Variants in NTN4 observed in about 807,000 individuals in gnomAD.
NTN4 encodes netrin-4.
Under a neutral mutation model 73.6 loss-of-function variants are expected in NTN4, and 32 were observed. The observed-to-expected ratio is 0.44, with a 90% CI of 0.33 to 0.58. The LOEUF (loss-of-function observed/expected upper bound fraction) is 0.58. Among genes scored for constraint, NTN4 ranks in the 20% least tolerant of loss-of-function variants. The pLI, the probability that NTN4 is intolerant of heterozygous loss-of-function variation, is 0.04. For missense variants in NTN4, 654 were observed against 798.3 expected, an observed-to-expected ratio of 0.82 and a Z score of 2.18; for synonymous variants, 258 against 287.5, an observed-to-expected ratio of 0.90 and a Z score of 1.04.
chr12:95,745,844 CA>C (rs140471601), intron 2 of NTN4, among the ~76,000 whole-genome samples: 4,214 of 152,184 alleles, frequency 0.028, 195 homozygotes, highest in African/African-American at 0.096. Flanking sequence ...TATGTGGGAC[CA>C]ATGCATTTTC....
chr12:95,767,382 A>C (rs2079027553), intron 2 of NTN4, among the ~76,000 whole-genome samples: 1 of 41,178 alleles, frequency 2.4e-5, no homozygotes, highest in South Asian at 6.5e-4. Context: ...ATTTCTCACA[A>C]AAAAAAGTTT....
chr12:95,783,102 C>T (rs1376137834), intron 2 of NTN4, among the ~76,000 whole-genome samples: 1 of 152,176 alleles, frequency 6.6e-6, no homozygotes, highest in Non-Finnish European at 1.5e-5. Flanking sequence ...GCTAAGCTCC[C>T]AATGGACAGA....
chr12:95,664,233 T>C (rs557221249), intron 9 of NTN4, among the ~76,000 whole-genome samples: 1 of 151,994 alleles, frequency 6.6e-6, no homozygotes, highest in Non-Finnish European at 1.5e-5. Flanking sequence ...ATTTAAAAAA[T>C]TTTTTGTGGA....
intron 5 of NTN4, among the ~76,000 whole-genome samples, chr12:95,695,189 T>C (rs1002059337): frequency 2.0e-5 from 3 of 152,088 alleles, no homozygotes; most frequent in Admixed American, 6.6e-5. Context: ...TGATTTGCCT[T>C]TCATTTACTG....
intron 2 of NTN4, among the ~76,000 whole-genome samples, chr12:95,776,625 G>A (rs1321374600): frequency 2.0e-5 from 3 of 152,190 alleles, no homozygotes; most frequent in Non-Finnish European, 4.4e-5. Context: ...GGAATTAAAA[G>A]AAACGAACAA....
chr12:95,758,507 C>T (rs531810595), intron 2 of NTN4, among the ~76,000 whole-genome samples: 2 of 152,282 alleles, frequency 1.3e-5, no homozygotes, highest in African/African-American at 2.4e-5. Context: ...TATTTTCTAT[C>T]TGTGGCTTCC....
intron 2 of NTN4, among the ~76,000 whole-genome samples, chr12:95,749,274 C>T (rs990470223): frequency 4.6e-5 from 7 of 152,310 alleles, no homozygotes; most frequent in South Asian, 2.1e-4. Context: ...TTCACATGGA[C>T]GCGCATGAAA....
chr12:95,688,584 G>A (rs1398004475), intron 5 of NTN4, among the ~76,000 whole-genome samples: 1 of 152,052 alleles, frequency 6.6e-6, no homozygotes, highest in African/African-American at 2.4e-5. Context: ...AAAAGTTGGG[G>A]TCATAAATAC....
chr12:95,791,155 C>G (rs1192281319), upstream of NTN4: 1 of 152,378 alleles, frequency 6.6e-6, no homozygotes, highest in African/African-American at 2.4e-5. The surrounding 1 kb of genome is among the most constrained non-coding windows in gnomAD (Gnocchi z 4.0). Context: ...CCCTCTAGAT[C>G]AGGTCAGGGC....
intron 9 of NTN4, chr12:95,665,577 G>A (rs1010940983): frequency 2.9e-6 from 1 of 344,514 alleles, no homozygotes; most frequent in East Asian, 4.7e-5. Flanking sequence ...TTAGGATAGA[G>A]AGTATTATAT....
intron 9 of NTN4, among the ~76,000 whole-genome samples, chr12:95,659,576 G>A (rs2078119905): frequency 6.6e-6 from 1 of 152,068 alleles, no homozygotes. Flanking sequence ...GGGATTACAG[G>A]TGTGAGCCAC....
intron 5 of NTN4, among the ~76,000 whole-genome samples, chr12:95,693,432 A>T (rs970306021): frequency 5.9e-5 from 9 of 152,022 alleles, no homozygotes; most frequent in African/African-American, 2.2e-4. Flanking sequence ...TCCTTGGACA[A>T]AAAAAATTAA....
chr12:95,778,155 T>G (rs1417306927), intron 2 of NTN4, among the ~76,000 whole-genome samples: 2 of 152,034 alleles, frequency 1.3e-5, no homozygotes, highest in Non-Finnish European at 2.9e-5. Context: ...GGGACGCATT[T>G]AAAGCAGTGT....
intron 4 of NTN4, among the ~76,000 whole-genome samples, chr12:95,711,670 A>G (rs191319188): frequency 2.4e-4 from 37 of 152,340 alleles, no homozygotes; most frequent in Non-Finnish European, 4.7e-4. Flanking sequence ...AGAGGCCTGC[A>G]GTATTTATTA....
intron 5 of NTN4, among the ~76,000 whole-genome samples, chr12:95,703,460 G>C (rs1035035836): frequency 6.6e-6 from 1 of 152,106 alleles, no homozygotes; most frequent in African/African-American, 2.4e-5. Context: ...GTGTGCTATA[G>C]AACACGGGTC....
chr12:95,756,115 C>T (rs1399220868), intron 2 of NTN4, among the ~76,000 whole-genome samples: 2 of 152,174 alleles, frequency 1.3e-5, no homozygotes, highest in East Asian at 1.9e-4. Flanking sequence ...AAATCCTAAC[C>T]TCCAATCTAA....
At chr12:95,727,699 T>A (rs186957519) in intron 3 of NTN4, among the ~76,000 whole-genome samples, 12 of 152,336 alleles carry the variant, frequency 7.9e-5, no homozygotes, top group Admixed American at 7.2e-4. Context: ...TTAATTACTA[T>A]AGATTTGAGG....
chr12:95,746,552 G>A (rs186241380), intron 2 of NTN4, among the ~76,000 whole-genome samples: 1 of 152,178 alleles, frequency 6.6e-6, no homozygotes, highest in African/African-American at 2.4e-5. Context: ...GGTACAACAA[G>A]GGTGTTTCTC....
At chr12:95,732,195 T>C (rs984935700) in intron 3 of NTN4, among the ~76,000 whole-genome samples, 1 of 152,058 alleles carries the variant, frequency 6.6e-6, no homozygotes, top group East Asian at 1.9e-4. Context: ...ACCTTAAAGA[T>C]TGAAGAGCTT....
Sources: allele counts gnomAD v4.1 joint callset (sites outside exome capture counted in the v4.1 genomes callset), GRCh38; gene constraint gnomAD v4.1.1; non-coding constraint Gnocchi (gnomAD v3.1); transcripts MANE v1.5; gene names NCBI Gene and HGNC (gene_info 2026-07-23, HGNC 2026-07-21).